The following KAT6A variants were observed in gnomAD, a reference collection of about 807,000 sequenced individuals.
KAT6A encodes the protein histone acetyltransferase KAT6A.
A neutral mutation model predicts 198.4 loss-of-function variants in KAT6A; 9 were observed. The ratio of observed to expected loss-of-function variants is 0.05; its 90% CI spans 0.03 to 0.08. The LOEUF (loss-of-function observed/expected upper bound fraction) is 0.08, where lower values mean the gene tolerates loss of function less well. KAT6A is among the 10% of genes least tolerant of loss of function. The pLI, the probability that KAT6A is intolerant of heterozygous loss-of-function variation, is 1.00. For missense variants in KAT6A, 2,077 were observed against 2,509.9 expected (o/e 0.83, Z 3.69); for synonymous variants, 890 against 883.0 (o/e 1.01, Z -0.14).
intron 3 of KAT6A, 25 bp downstream of exon 3, chr8:41,987,430 A>G (rs780169641): frequency 1.4e-6 from 2 of 1,420,140 alleles, no homozygotes; most frequent in Non-Finnish European, 2.0e-6. Flanking sequence ...ACATTTTAGA[A>G]GAAAAACAGA....
chr8:42,024,529 T>A (rs985838553), intron 2 of KAT6A, among the ~76,000 whole-genome samples: 1 of 152,190 alleles, frequency 6.6e-6, no homozygotes, highest in Non-Finnish European at 1.5e-5. Flanking sequence ...GCAATGAAAT[T>A]AGAACTTATT....
chr8:41,959,631 C>T (rs1487167518), intron 8 of KAT6A, among the ~76,000 whole-genome samples: 1 of 152,190 alleles, frequency 6.6e-6, no homozygotes, highest in African/African-American at 2.4e-5. Context: ...AAATGTGGTA[C>T]ATACGTACAA....
intron 2 of KAT6A, among the ~76,000 whole-genome samples, chr8:41,994,352 T>G (rs529411203): frequency 9.8e-4 from 150 of 152,300 alleles, no homozygotes; most frequent in Non-Finnish European, 1.6e-3. Flanking sequence ...TGATCTGTAC[T>G]CCCCTGCTTT....
intron 2 of KAT6A, among the ~76,000 whole-genome samples, chr8:42,021,074 T>C (rs1826508377): frequency 6.6e-6 from 1 of 152,092 alleles, no homozygotes; most frequent in Non-Finnish European, 1.5e-5. Flanking sequence ...AGATATACTG[T>C]TACTTCCAAA....
rs551034560 is a variant in KAT6A, at chr8:41,932,108, T to A, written c.*97A>T. The A allele has an allele frequency of 5.5e-5, 63 of 1,152,028 alleles. No homozygotes were observed. The highest frequency in any genetic ancestry group is 4.1e-5 in the Non-Finnish European group (36 of 886,904). 71.4% of individuals were successfully genotyped at this position (1,152,028 alleles called of 1,614,324 possible). A position where few individuals can be genotyped will look rare whatever the true frequency, so the allele number is the denominator to read the frequency against. ...AAATTCCTCTAAATCTACAGCAATATTTTAACTGGAAAAAGGTCCATTTTT... is the reference window on the plus strand; with the variant it reads ...AAATTCCTCTAAATCTACAGCAATAATTTAACTGGAAAAAGGTCCATTTTT... On this transcript the variant is annotated 3_prime_UTR_variant, in exon 17 of 17. Transcript: ENST00000265713.
chr8:41,975,055 T>C (rs1013317912), intron 7 of KAT6A, among the ~76,000 whole-genome samples: 2 of 152,172 alleles, frequency 1.3e-5, no homozygotes, highest in African/African-American at 4.8e-5. Flanking sequence ...TATAACTAAA[T>C]TTAAACTTCA....
At chr8:42,009,490 T>C (rs1443455979) in intron 2 of KAT6A, among the ~76,000 whole-genome samples, 3 of 151,660 alleles carry the variant, frequency 2.0e-5, no homozygotes, top group Non-Finnish European at 4.4e-5. Context: ...AGTATCTTCA[T>C]GGAAAAGGTG....
intron 16 of KAT6A, among the ~76,000 whole-genome samples, chr8:41,935,345 A>C (rs1821795294): frequency 6.6e-6 from 1 of 152,110 alleles, no homozygotes; most frequent in Non-Finnish European, 1.5e-5. Context: ...TCCACAAATC[A>C]TCACTTCAGG....
chr8:41,941,038 C>T lies in KAT6A; in HGVS notation c.2843G>A (p.Arg948Gln), dbSNP rs200762586. The T allele has an allele frequency of 4.0e-5, 65 of 1,614,142 alleles. No homozygotes were observed. In the East Asian group the frequency reaches 4.2e-4, roughly 11 times the overall value. ...CTCAGGGCTTTTCTTGAGCTGTCCT[C>T]GCCAGGGCTCAACCCCCTCACTGAG... Reference protein sequence around the residue: ...RRLSEGVEPWRGQLKKSPEAL... With the variant: ...RRLSEGVEPWQGQLKKSPEAL... The change falls in exon 15 of 17, where the codon CGA becomes CAA. Residue 948 changes from arginine to glutamine, a missense_variant. By Grantham distance (43) the Arg-to-Gln change is conservative. This residue lies in a region of KAT6A where 301 missense variants were observed against 272.2 expected (regional missense o/e 1.11). Coordinates refer to ENST00000265713, the MANE Select transcript of KAT6A (RefSeq NM_006766.5).
At chr8:42,011,455 C>A (rs536915614) in intron 2 of KAT6A, among the ~76,000 whole-genome samples, 3 of 152,042 alleles carry the variant, frequency 2.0e-5, no homozygotes, top group Non-Finnish European at 4.4e-5. Flanking sequence ...ATCACTACTT[C>A]GGCCGGGTGC....
At chr8:42,012,645 C>T (rs114599683) in intron 2 of KAT6A, among the ~76,000 whole-genome samples, 1,808 of 152,268 alleles carry the variant, frequency 0.012, 33 homozygotes, top group African/African-American at 0.042. Flanking sequence ...TTCAGACTTC[C>T]GACCCTCAGG....
chr8:41,962,009 A>T (rs1191697813), intron 8 of KAT6A, among the ~76,000 whole-genome samples: 1 of 152,066 alleles, frequency 6.6e-6, no homozygotes, highest in African/African-American at 2.4e-5. Flanking sequence ...TTCTCTTCTT[A>T]CTTGGCCTAT....
chr8:42,030,253 A>C (rs1390784518), intron 2 of KAT6A, among the ~76,000 whole-genome samples: 1 of 152,132 alleles, frequency 6.6e-6, no homozygotes, highest in Admixed American at 6.5e-5. Context: ...AGATTACAGG[A>C]GTCCATGGTG....
chr8:41,946,112 T>C (rs1421962553), intron 12 of KAT6A, among the ~76,000 whole-genome samples: 1 of 152,134 alleles, frequency 6.6e-6, no homozygotes, highest in Non-Finnish European at 1.5e-5. Flanking sequence ...CATTTTTATT[T>C]TGAGACAGAG....
Position 41,930,334 on chromosome 8 carries a change from A to C in KAT6A, c.*1871T>G, listed in dbSNP as rs973765305. 2 of 226,630 alleles carry C rather than the reference A, an allele frequency of 8.8e-6. No individual in the cohort carries two copies. Among genetic ancestry groups the C allele is most frequent in the African/African-American group, 4.5e-5 (2 of 44,626 alleles). The allele number at this position is 226,630 out of a possible 1,614,324, so 14.0% of individuals were successfully genotyped here. A position where few individuals can be genotyped will look rare whatever the true frequency, so the allele number is the denominator to read the frequency against. ...GCAGCACAGTGCACTTTCTACATAG[A>C]TGACTGGGAACTGGAATAGTATATA... On this transcript the variant is annotated 3_prime_UTR_variant, in exon 17 of 17. Transcript: ENST00000265713.
rs978156504 is a variant in KAT6A, at chr8:41,937,344, C to T, written c.3264G>A (p.Leu1088=). 3 of 1,613,968 alleles carry T rather than the reference C, an allele frequency of 1.9e-6. No individual in the cohort carries two copies. Among genetic ancestry groups the T allele is most frequent in the Non-Finnish European group, 2.5e-6 (3 of 1,179,958 alleles). The change falls in exon 16 of 17, where the codon TTG becomes TTA. Residue 1088 remains leucine (L), a synonymous_variant. Coordinates refer to ENST00000265713, the MANE Select transcript of KAT6A (RefSeq NM_006766.5). ...ELFPREYFRR[L]SSQDVLRCQS... is the part of the protein sequence containing the mutation. ...GACACCTGAGTACATCCTGCGAAGA[C>T]AAACGACGGAAGTATTCTCTAGGGA... is the stretch of plus-strand genomic sequence containing the variant.
At chr8:42,045,678 C>T (rs1041705200) in intron 2 of KAT6A, among the ~76,000 whole-genome samples, 4 of 151,580 alleles carry the variant, frequency 2.6e-5, no homozygotes, top group Admixed American at 2.6e-4. Context: ...TTTATTTCTC[C>T]AAAATCAAAT....
chr8:42,026,128 G>T (rs1826800214), intron 2 of KAT6A, among the ~76,000 whole-genome samples: 1 of 152,058 alleles, frequency 6.6e-6, no homozygotes, highest in South Asian at 2.1e-4. Flanking sequence ...TGTCCCAGTG[G>T]TCTGTCTGTT....
intron 2 of KAT6A, among the ~76,000 whole-genome samples, chr8:41,994,128 C>G (rs999636262): frequency 1.3e-5 from 2 of 152,148 alleles, no homozygotes; most frequent in African/African-American, 4.8e-5. Context: ...TTTCTTATAC[C>G]TTATTGTTCC....
Sources: gnomAD v4.1 joint callset for allele counts (sites outside exome capture counted in the v4.1 genomes callset) on GRCh38, gnomAD v4.1.1 for gene constraint, gnomAD v4.1.1 regional missense constraint, MANE v1.5 for transcripts, NCBI Gene and HGNC (gene_info 2026-07-23, HGNC 2026-07-21) for gene names.